Variants in AAAS observed in about 807,000 individuals in gnomAD.
The protein encoded by AAAS is aladin.
In AAAS, 60 loss-of-function variants were observed where a neutral mutation model predicts 75.6. The ratio of observed to expected loss-of-function variants is 0.79; its 90% CI spans 0.64 to 0.98. AAAS has a LOEUF of 0.98. AAAS is among the 50% of genes least tolerant of loss of function. The pLI is 0.00. For synonymous variants in AAAS, 271 were observed against 265.0 expected, an observed-to-expected ratio of 1.02 and a Z score of -0.22; for missense variants, 658 against 686.9, an observed-to-expected ratio of 0.96 and a Z score of 0.47.
chr12:53,318,243 TGCGTGTGTGTGTGTGTGTGTGTGTG>T lies in AAAS; in HGVS notation c.251+2297_251+2321del, dbSNP rs1565783235. The stretch of plus-strand genomic sequence containing the variant: ...GTTTCAGTGTGTGTGTGTGTGTGTG[TGCGTGTGTGTGTGTGTGTGTGTGTG>T]TGTGTTAAGACGGAGTCTCACTCTG... On this transcript the variant is annotated intron_variant, in intron 2 of 15. Coordinates refer to ENST00000209873, the MANE Select transcript of AAAS (RefSeq NM_015665.6). 5.9e-3 allele frequency among the ~76,000 whole-genome samples: 699 copies of T among 119,068 alleles called. 5 individuals are homozygous for T. The highest frequency in any genetic ancestry group is 0.019 in the African/African-American group (605 of 31,362). The allele number at this position is 119,068 out of a possible 152,430, so 78.1% of individuals were successfully genotyped here.
intron 8 of AAAS, 32 bp from the exon 9 acceptor site, chr12:53,309,313 C>T (rs1944349979): frequency 5.0e-6 from 8 of 1,612,222 alleles, no homozygotes; most frequent in Non-Finnish European, 6.8e-6. Context: ...TAAGGGAAAA[C>T]TCAAGCACCC....
chr12:53,311,623 C>A (rs1235073851), intron 7 of AAAS, among the ~76,000 whole-genome samples: 5 of 151,426 alleles, frequency 3.3e-5, no homozygotes, highest in Admixed American at 6.6e-5. Context: ...TCTAAAAAAA[C>A]CAAAAAACAG....
chr12:53,312,565 C>CA (rs34316735), intron 7 of AAAS, among the ~76,000 whole-genome samples: 133,662 of 144,540 alleles, frequency 0.92, 62,289 homozygotes, highest in Non-Finnish European at 0.98. Context: ...AACTCCTTCT[C>CA]AAAAAAAAAA....
Position 53,309,206 on chromosome 12 carries a change from A to G in AAAS, c.886T>C (p.Ser296Pro). Residue 296 changes from serine to proline, a missense_variant, in exon 9 of 16, where the codon TCC becomes CCC. Physicochemically the swap from Ser to Pro is moderately conservative, Grantham distance 74 (BLOSUM62 -1). Coordinates refer to ENST00000209873, the MANE Select transcript of AAAS (RefSeq NM_015665.6). ...GCCAGGATTTTGCTGCCGTCTGGGGACCAGAGCAGGTTGGTCACCCCACCT... is the reference window on the plus strand; with the variant it reads ...GCCAGGATTTTGCTGCCGTCTGGGGGCCAGAGCAGGTTGGTCACCCCACCT... Reference protein sequence around the residue: ...RGGGVTNLLWSPDGSKILATT... With the variant: ...RGGGVTNLLWPPDGSKILATT... 3 of 1,614,062 alleles carry G rather than the reference A, an allele frequency of 1.9e-6. No individual in the cohort carries two copies. The highest frequency in any genetic ancestry group is 2.5e-6 in the Non-Finnish European group (3 of 1,179,994).
At chr12:53,317,232 G>T (rs1173964362) in intron 2 of AAAS, among the ~76,000 whole-genome samples, 2 of 152,038 alleles carry the variant, frequency 1.3e-5, no homozygotes, top group Non-Finnish European at 2.9e-5. Context: ...AGACCAGCCT[G>T]GTCAAGATGG....
chr12:53,308,311 C>T lies in AAAS; in HGVS notation c.1220G>A (p.Ser407Asn). Reference protein sequence around the residue: ...GEAHSMVWDPSGERLAVLMKG... With the variant: ...GEAHSMVWDPNGERLAVLMKG... The stretch of plus-strand genomic sequence containing the variant: ...CATAAGCACAGCCAGACGTTCCCCA[C>T]TGGGGTCCCAGACCATGGAGTGAGC... The change falls in exon 13 of 16, where the codon AGT (serine) becomes AAT (asparagine). Residue 407 changes from serine to asparagine, a missense_variant. Coordinates refer to ENST00000209873, the MANE Select transcript of AAAS (RefSeq NM_015665.6). The T allele has an allele frequency of 1.9e-6, 3 of 1,614,214 alleles. No homozygotes were observed. The highest frequency in any genetic ancestry group is 2.5e-6 in the Non-Finnish European group (3 of 1,180,034).
In AAAS at chr12:53,315,559, C is replaced by T; in HGVS notation, c.308-133G>A. On this transcript the variant is annotated intron_variant, in intron 3 of 15. Transcript: ENST00000209873. ...CAGTAAGTGCTCTCAACACCACACT[C>T]TGGACACCCACTCTGGACACCCACT... The T allele has an allele frequency of 4.2e-6, 5 of 1,178,158 alleles. No homozygotes were observed. The South Asian group carries it at 6.6e-5, about 15-fold the overall frequency. 73.0% of individuals were successfully genotyped at this position (1,178,158 alleles called of 1,614,324 possible).
intron 1 of AAAS, chr12:53,320,916 T>A: frequency 3.3e-6 from 2 of 597,060 alleles, no homozygotes; most frequent in Non-Finnish European, 5.8e-6. Flanking sequence ...TGAAACCATA[T>A]GACATTTTTA....
At chr12:53,312,298 G>A (rs1944400919) in intron 7 of AAAS, among the ~76,000 whole-genome samples, 2 of 151,884 alleles carry the variant, frequency 1.3e-5, no homozygotes, top group African/African-American at 4.8e-5. Context: ...CATTTCCACA[G>A]GGCACGGTGG....
At chr12:53,321,279 T>G in intron 1 of AAAS, 64 bp downstream of exon 1, 5 of 1,590,474 alleles carry the variant, frequency 3.1e-6, no homozygotes, top group East Asian at 2.2e-5. Context: ...ACTGCCTCCT[T>G]TCCCCAGTAG....
chr12:53,309,634 C>A lies in AAAS; in HGVS notation c.777G>T (p.Leu259=). The change falls in exon 8 of 16, where the codon CTG becomes CTT. Residue 259 remains leucine (L), a synonymous_variant. Coordinates refer to ENST00000209873, the MANE Select transcript of AAAS (RefSeq NM_015665.6). Reference sequence around the variant, plus strand: ...CAGCATCCACGGGTGAAGCTGAGAGCAGCCGCCCCCCACTGGGGGCCCAGG... The same window carrying A: ...CAGCATCCACGGGTGAAGCTGAGAGAAGCCGCCCCCCACTGGGGGCCCAGG... ...SLAWAPSGGR[L]LSASPVDAAI... is the part of the protein sequence containing the mutation. The A allele has an allele frequency of 6.2e-7, 1 of 1,613,598 alleles. No homozygotes were observed. Among genetic ancestry groups the A allele is most frequent in the Non-Finnish European group, 8.5e-7 (1 of 1,179,918 alleles).
chr12:53,314,991 G>A, intron 5 of AAAS, 103 bp downstream of exon 5: 1 of 1,493,574 alleles, frequency 6.7e-7, no homozygotes, highest in Non-Finnish European at 9.3e-7. Flanking sequence ...ATGAGAATAT[G>A]GTGAGCAATC....
At chr12:53,312,803 G>GTA (rs1252547357) in intron 7 of AAAS, among the ~76,000 whole-genome samples, 5 of 147,044 alleles carry the variant, frequency 3.4e-5, no homozygotes, top group South Asian at 2.1e-4. Context: ...ATATATACGT[G>GTA]TATATATATG....
At chr12:53,307,772 G>A in intron 15 of AAAS, 59 bp from the exon 16 acceptor site, 3 of 1,612,878 alleles carry the variant, frequency 1.9e-6, no homozygotes, top group Admixed American at 1.7e-5. Context: ...CCACCTGGCA[G>A]AGCCATACAG....
At position 53,318,103 on chromosome 12, in the gene AAAS, G is replaced by A. The variant is rs568799504; in HGVS notation, c.252-2321C>T. ...GAGTGCAATATCACCATCACGGCTCGCTGCAGCCTCAATCTCCTGAGCTCA... is the reference window on the plus strand; with the variant it reads ...GAGTGCAATATCACCATCACGGCTCACTGCAGCCTCAATCTCCTGAGCTCA... On this transcript the variant is annotated intron_variant, in intron 2 of 15. Coordinates refer to ENST00000209873, the MANE Select transcript of AAAS (RefSeq NM_015665.6). Among the ~76,000 whole-genome samples the A allele has an allele frequency of 9.3e-5, 14 of 150,898 alleles. No homozygotes were observed. In the South Asian group the frequency reaches 2.1e-3, roughly 23 times the overall value.
chr12:53,311,748 T>G (rs1944392030), intron 7 of AAAS, among the ~76,000 whole-genome samples: 1 of 151,652 alleles, frequency 6.6e-6, no homozygotes, highest in Non-Finnish European at 1.5e-5. Context: ...AACCCCTGTC[T>G]CTACTAAAAA....
At chr12:53,314,576 G>A in intron 6 of AAAS, 135 bp from the exon 7 acceptor site, 1 of 1,395,144 alleles carries the variant, frequency 7.2e-7, no homozygotes, top group South Asian at 1.2e-5. Context: ...AGGACAGGAG[G>A]GGATAAAGGT....
intron 2 of AAAS, among the ~76,000 whole-genome samples, chr12:53,319,720 C>G (rs1944521706): frequency 6.9e-6 from 1 of 145,886 alleles, no homozygotes; most frequent in East Asian, 2.0e-4. Flanking sequence ...AGGGGAACTG[C>G]TTGAACCAGA....
At chr12:53,317,741 CA>C (rs766508216) in intron 2 of AAAS, among the ~76,000 whole-genome samples, 1,237 of 118,492 alleles carry the variant, frequency 0.01, 6 homozygotes, top group South Asian at 0.041. Flanking sequence ...GACTCTGTCT[CA>C]AAAAAAAAAA....
Sources: allele counts gnomAD v4.1 joint callset (sites outside exome capture counted in the v4.1 genomes callset), GRCh38; gene constraint gnomAD v4.1.1; transcripts MANE v1.5; gene names NCBI Gene and HGNC (gene_info 2026-07-23, HGNC 2026-07-21).